PHF21B: variants seen among roughly 807,000 people sequenced by gnomAD.
PHF21B encodes the protein PHD finger protein 4.
A neutral mutation model predicts 62.2 loss-of-function variants in PHF21B; 22 were observed. The ratio of observed to expected loss-of-function variants is 0.35; its 90% CI spans 0.25 to 0.51. PHF21B has a LOEUF of 0.51. Ranked by LOEUF, PHF21B falls within the 20% of genes least tolerant of loss-of-function variation. PHF21B has a pLI of 0.97. For synonymous variants in PHF21B, 341 were observed against 314.7 expected, an observed-to-expected ratio of 1.08 and a Z score of -0.88; for missense variants, 701 against 707.9, an observed-to-expected ratio of 0.99 and a Z score of 0.11.
chr22:44,957,619 A>AT (rs1290678910), intron 2 of PHF21B, among the ~76,000 whole-genome samples: 2 of 151,864 alleles, frequency 1.3e-5, no homozygotes, highest in African/African-American at 4.8e-5. Flanking sequence ...CCTCCTGCTA[A>AT]TTTTTCCTAA....
intron 5 of PHF21B, among the ~76,000 whole-genome samples, chr22:44,898,276 T>G (rs536048478): frequency 1.3e-5 from 2 of 152,136 alleles, no homozygotes; most frequent in Non-Finnish European, 2.9e-5. Context: ...TTGTCTGATA[T>G]TTTCCTCGTA....
At chr22:44,958,029 A>T (rs1247110406) in intron 2 of PHF21B, among the ~76,000 whole-genome samples, 1 of 151,742 alleles carries the variant, frequency 6.6e-6, no homozygotes, top group Non-Finnish European at 1.5e-5. Flanking sequence ...CTGCCTCCCG[A>T]GTAGCTAGGA....
At chr22:44,998,651 C>G (rs1157325121) in intron 2 of PHF21B, among the ~76,000 whole-genome samples, 1 of 152,220 alleles carries the variant, frequency 6.6e-6, no homozygotes, top group Non-Finnish European at 1.5e-5. Flanking sequence ...TCTGGGTACA[C>G]CCGTCCAGAG....
chr22:44,950,286 ACTCATTAATCCC>A (rs1263149058), intron 2 of PHF21B, among the ~76,000 whole-genome samples: 1 of 152,182 alleles, frequency 6.6e-6, no homozygotes, highest in East Asian at 1.9e-4. Flanking sequence ...TACCGCAGTG[ACTCATTAATCCC>A]CTCTAACAAT....
chr22:44,979,871 C>A (rs747862388), intron 2 of PHF21B, among the ~76,000 whole-genome samples: 9 of 151,952 alleles, frequency 5.9e-5, no homozygotes, highest in African/African-American at 1.2e-4. Context: ...GAGTTCAAGA[C>A]CAGTCTGGCC....
At chr22:44,947,971 GCCTCCTCCCCGCTGTTGTC>G (rs71190603) in intron 2 of PHF21B, among the ~76,000 whole-genome samples, 6 of 136,648 alleles carry the variant, frequency 4.4e-5, no homozygotes, top group African/African-American at 1.1e-4. Flanking sequence ...GGGCGCCAGA[GCCTCCTCCCCGCTGTTGTC>G]CCTCCTCCCC....
At chr22:44,926,245 G>A (rs2071628845) in intron 2 of PHF21B, among the ~76,000 whole-genome samples, 1 of 152,148 alleles carries the variant, frequency 6.6e-6, no homozygotes, top group African/African-American at 2.4e-5. Flanking sequence ...TGGGGAAGCA[G>A]GTTCTGTGGC....
intron 2 of PHF21B, among the ~76,000 whole-genome samples, chr22:44,942,826 C>T (rs1182146483): frequency 1.3e-5 from 2 of 152,190 alleles, no homozygotes; most frequent in East Asian, 3.9e-4. Flanking sequence ...GCAGCAAACC[C>T]TTGCCCCAGC....
At chr22:44,948,935 A>T (rs998756387) in intron 2 of PHF21B, among the ~76,000 whole-genome samples, 2 of 152,214 alleles carry the variant, frequency 1.3e-5, no homozygotes, top group African/African-American at 4.8e-5. Context: ...TTATCCACAA[A>T]TGGGTCACAG....
chr22:44,937,340 C>T (rs534778996), intron 2 of PHF21B, among the ~76,000 whole-genome samples: 4 of 152,290 alleles, frequency 2.6e-5, no homozygotes, highest in South Asian at 2.1e-4. Context: ...TGGGCAGAGA[C>T]GGAGACATCA....
At chr22:44,963,923 A>G (rs1290521660) in intron 2 of PHF21B, among the ~76,000 whole-genome samples, 1 of 152,220 alleles carries the variant, frequency 6.6e-6, no homozygotes, top group South Asian at 2.1e-4. Flanking sequence ...CTTCCCGGTA[A>G]TGAATCAAAG....
chr22:44,886,023 G>A (rs2070851157), intron 10 of PHF21B, 85 bp from the exon 11 acceptor site: 2 of 1,322,806 alleles, frequency 1.5e-6, no homozygotes, highest in Non-Finnish European at 2.1e-6. Flanking sequence ...TAACCCTGAG[G>A]GGGCACGCCC....
intron 2 of PHF21B, among the ~76,000 whole-genome samples, chr22:44,980,327 G>T (rs1188706332): frequency 6.6e-6 from 1 of 152,158 alleles, no homozygotes; most frequent in Non-Finnish European, 1.5e-5. Flanking sequence ...AGACTGGCTT[G>T]CAGTCACTGC....
intron 2 of PHF21B, among the ~76,000 whole-genome samples, chr22:44,997,834 C>T (rs978338132): frequency 5.3e-5 from 8 of 152,204 alleles, no homozygotes; most frequent in Non-Finnish European, 1.0e-4. Context: ...CCAGGGGCGG[C>T]CTCCTCAGGG....
At chr22:44,908,245 C>T (rs755762963) in intron 5 of PHF21B, among the ~76,000 whole-genome samples, 42 of 152,146 alleles carry the variant, frequency 2.8e-4, no homozygotes, top group Non-Finnish European at 4.4e-4. Flanking sequence ...GTGTGGCTCC[C>T]ACCTCTGAGG....
chr22:45,006,687 TAAAG>T (rs1302237488), intron 2 of PHF21B, among the ~76,000 whole-genome samples: 3 of 152,032 alleles, frequency 2.0e-5, no homozygotes, highest in South Asian at 2.1e-4. Flanking sequence ...AGCAGAAACA[TAAAG>T]AGACATTGTT....
chr22:44,896,095 A>C lies in PHF21B; in HGVS notation c.832-12T>G, dbSNP rs373075038. ...ATGAAGGCGATTTTCTGAGGGAAGG[A>C]ACAGACAAAGGAGCATTAACACAAC... On this transcript the variant is annotated splice_polypyrimidine_tract_variant and intron_variant, in intron 5 of 12. Coordinates refer to ENST00000313237, the MANE Select transcript of PHF21B (RefSeq NM_138415.5). 11 of 1,614,076 alleles carry C rather than the reference A, an allele frequency of 6.8e-6. No homozygotes were observed. The highest frequency in any genetic ancestry group is 1.3e-5 in the African/African-American group (1 of 74,934).
intron 5 of PHF21B, chr22:44,901,696 GA>G: frequency 2.2e-6 from 1 of 445,494 alleles, no homozygotes; most frequent in Non-Finnish European, 3.8e-6. Flanking sequence ...GCCCAAGGGG[GA>G]AGCCCCATTG....
chr22:44,971,675 C>T (rs2072641168), intron 2 of PHF21B, among the ~76,000 whole-genome samples: 1 of 152,232 alleles, frequency 6.6e-6, no homozygotes, highest in South Asian at 2.1e-4. Flanking sequence ...ACTTAGCCCT[C>T]CCACAAGCCA....
Sources: gnomAD v4.1 joint callset for allele counts (sites outside exome capture counted in the v4.1 genomes callset) on GRCh38, gnomAD v4.1.1 for gene constraint, MANE v1.5 for transcripts, NCBI Gene and HGNC (gene_info 2026-07-23, HGNC 2026-07-21) for gene names.